HYAL4: variants seen among roughly 807,000 people sequenced by gnomAD.
HYAL4 encodes hyaluronidase-4.
In HYAL4, 37 loss-of-function variants were observed where a neutral mutation model predicts 35.2. The ratio of observed to expected loss-of-function variants is 1.05; its 90% confidence interval spans 0.81 to 1.38. The LOEUF is 1.38. HYAL4 is among the 40% of genes most tolerant of loss of function. The probability of loss-of-function intolerance (pLI) is 0.00; values close to 1 mark genes in which losing one functional copy is unlikely to be tolerated. For synonymous variants in HYAL4, 198 were observed against 203.2 expected (o/e 0.97, Z 0.22); for missense variants, 572 against 572.4 (o/e 1.00, Z 0.01).
intron 1 of HYAL4, among the ~76,000 whole-genome samples, chr7:123,837,893 C>G (rs1805991757): frequency 6.6e-6 from 1 of 152,038 alleles, no homozygotes; most frequent in Non-Finnish European, 1.5e-5. Flanking sequence ...GTATATGTGT[C>G]ACATTTTCTT....
chr7:123,789,899 G>A, the HYAL4 span, among the ~76,000 whole-genome samples: 1 of 152,096 alleles, frequency 6.6e-6, no homozygotes, highest in Non-Finnish European at 1.5e-5. Flanking sequence ...GAATGAGTGA[G>A]CCAGAGAGAG....
At chr7:123,801,204 A>G in the HYAL4 span, among the ~76,000 whole-genome samples, 3 of 152,164 alleles carry the variant, frequency 2.0e-5, no homozygotes, top group Non-Finnish European at 2.9e-5. Flanking sequence ...GGCATTATTC[A>G]TATTATTTCT....
At chr7:123,809,039 A>G in the HYAL4 span, among the ~76,000 whole-genome samples, 1 of 152,216 alleles carries the variant, frequency 6.6e-6, no homozygotes, top group South Asian at 2.1e-4. Flanking sequence ...ACTGACAAGA[A>G]GGAGGATATA....
the HYAL4 span, among the ~76,000 whole-genome samples, chr7:123,775,864 A>G: frequency 6.6e-6 from 1 of 152,184 alleles, no homozygotes; most frequent in Non-Finnish European, 1.5e-5. Context: ...CCCCTAAACC[A>G]GAACTTGGAA....
At chr7:123,823,085 G>T in the HYAL4 span, among the ~76,000 whole-genome samples, 1 of 152,150 alleles carries the variant, frequency 6.6e-6, no homozygotes, top group Admixed American at 6.5e-5. Flanking sequence ...TTAGCTATGG[G>T]CTTGTCATAT....
chr7:123,826,936 G>A (rs1440015488), upstream of HYAL4, among the ~76,000 whole-genome samples: 1 of 152,184 alleles, frequency 6.6e-6, no homozygotes, highest in Non-Finnish European at 1.5e-5. Context: ...GCACTGGAAA[G>A]AGGGAGTTGG....
At chr7:123,775,302 G>C in the HYAL4 span, among the ~76,000 whole-genome samples, 2 of 152,102 alleles carry the variant, frequency 1.3e-5, no homozygotes, top group Admixed American at 6.5e-5. Context: ...GGTGGCACAT[G>C]CCTATAGTAC....
the HYAL4 span, among the ~76,000 whole-genome samples, chr7:123,816,054 T>C: frequency 6.6e-6 from 1 of 152,168 alleles, no homozygotes; most frequent in Non-Finnish European, 1.5e-5. Flanking sequence ...AAGAATCTCA[T>C]GGGCACTAAC....
chr7:123,794,232 G>A, the HYAL4 span, among the ~76,000 whole-genome samples: 1 of 152,136 alleles, frequency 6.6e-6, no homozygotes, highest in Admixed American at 6.6e-5. Flanking sequence ...CATCTAAGTG[G>A]CAAAGTGTTC....
chr7:123,868,755 A>C lies in HYAL4; in HGVS notation c.482A>C (p.Asp161Ala). The change falls in exon 3 of 5, where the codon GAT becomes GCT. Residue 161 changes from aspartate (D) to alanine (A), a missense_variant. By Grantham distance (126) the Asp-to-Ala change is moderately radical. Coordinates refer to ENST00000223026, the MANE Select transcript of HYAL4 (RefSeq NM_012269.3). ...TGGGCCCGGAACTGGAACTCAAAAG[A>C]TGTTTACAGACAGAAGTCAAGAAAG... is the stretch of plus-strand genomic sequence containing the variant. Reference protein sequence around the residue: ...PQWARNWNSKDVYRQKSRKLI... With the variant: ...PQWARNWNSKAVYRQKSRKLI... 2.5e-6 allele frequency: 4 copies of C among 1,614,168 alleles called. No homozygotes were observed. Among genetic ancestry groups the C allele is most frequent in the Non-Finnish European group, 3.4e-6 (4 of 1,180,024 alleles).
chr7:123,765,111 A>G, the HYAL4 span, among the ~76,000 whole-genome samples: 2 of 152,176 alleles, frequency 1.3e-5, no homozygotes, highest in Admixed American at 1.3e-4. Flanking sequence ...GTTAATTTTT[A>G]ATTAATAAAA....
chr7:123,764,847 C>T, the HYAL4 span, among the ~76,000 whole-genome samples: 1 of 152,170 alleles, frequency 6.6e-6, no homozygotes, highest in African/African-American at 2.4e-5. Context: ...CCAGCTTCCA[C>T]TCCAGTTTTA....
chr7:123,768,862 AG>A, the HYAL4 span, among the ~76,000 whole-genome samples: 1 of 152,188 alleles, frequency 6.6e-6, no homozygotes. Flanking sequence ...CTATGATTCC[AG>A]GCAAATGATG....
chr7:123,827,693 C>T (rs1403609127), upstream of HYAL4, among the ~76,000 whole-genome samples: 1 of 152,110 alleles, frequency 6.6e-6, no homozygotes, highest in African/African-American at 2.4e-5. Flanking sequence ...TGGCCTCGTT[C>T]AACTACCTGT....
chr7:123,798,384 AT>A, the HYAL4 span, among the ~76,000 whole-genome samples: 7 of 152,172 alleles, frequency 4.6e-5, no homozygotes, highest in Non-Finnish European at 1.0e-4. Context: ...ACACTGCTTC[AT>A]TTAAAGAGAG....
the HYAL4 span, among the ~76,000 whole-genome samples, chr7:123,808,250 A>G: frequency 2.0e-5 from 3 of 152,168 alleles, no homozygotes; most frequent in Non-Finnish European, 4.4e-5. Context: ...TAGGTTTAAC[A>G]ATGCTTTATC....
intron 2 of HYAL4, among the ~76,000 whole-genome samples, chr7:123,856,604 C>G (rs948920176): frequency 6.6e-6 from 1 of 152,144 alleles, no homozygotes; most frequent in Non-Finnish European, 1.5e-5. Context: ...CCAGCCAGAG[C>G]TCTCCTGTAT....
At chr7:123,874,301 G>A (rs1806954181) in intron 3 of HYAL4, among the ~76,000 whole-genome samples, 1 of 152,138 alleles carries the variant, frequency 6.6e-6, no homozygotes, top group Admixed American at 6.5e-5. Context: ...TTCAGCATTT[G>A]TGTCACTCTA....
chr7:123,817,829 T>A, the HYAL4 span, among the ~76,000 whole-genome samples: 1 of 151,192 alleles, frequency 6.6e-6, no homozygotes, highest in Admixed American at 6.6e-5. Flanking sequence ...AAAAAAAAAA[T>A]CAAAGTTGCA....
Sources: allele counts gnomAD v4.1 joint callset (sites outside exome capture counted in the v4.1 genomes callset), GRCh38; gene constraint gnomAD v4.1.1; transcripts MANE v1.5; gene names NCBI Gene and HGNC (gene_info 2026-07-23, HGNC 2026-07-21).